PALM2AKAP2: variants seen among roughly 807,000 people sequenced by gnomAD.
PALM2AKAP2 encodes the protein PALM2-AKAP2 fusion protein.
Under a neutral mutation model 71.5 loss-of-function variants are expected in PALM2AKAP2, and 37 were observed. The ratio of observed to expected loss-of-function variants is 0.52; its 90% CI spans 0.40 to 0.68. The LOEUF is 0.68. Ranked by LOEUF, PALM2AKAP2 falls within the 30% of genes least tolerant of loss-of-function variation. The pLI, the probability that PALM2AKAP2 is intolerant of heterozygous loss-of-function variation, is 0.00. For synonymous variants in PALM2AKAP2, 468 were observed against 478.8 expected, an observed-to-expected ratio of 0.98 and a Z score of 0.29; for missense variants, 1,224 against 1,191.8, an observed-to-expected ratio of 1.03 and a Z score of -0.40.
intron 1 of PALM2AKAP2, among the ~76,000 whole-genome samples, chr9:109,791,959 C>T (rs1827121973): frequency 6.6e-6 from 1 of 152,182 alleles, no homozygotes; most frequent in South Asian, 2.1e-4. Context: ...AATGACCCTC[C>T]CCCTCTACCC....
chr9:110,143,966 G>T (rs970701869), intron 2 of PALM2AKAP2, among the ~76,000 whole-genome samples: 12 of 152,182 alleles, frequency 7.9e-5, no homozygotes, highest in Non-Finnish European at 1.5e-4. Context: ...TAGACATGAG[G>T]TGATCATTAC....
intron 1 of PALM2AKAP2, among the ~76,000 whole-genome samples, chr9:110,059,447 A>G (rs1833915386): frequency 2.6e-5 from 4 of 152,196 alleles, no homozygotes; most frequent in Admixed American, 2.6e-4. Flanking sequence ...TTTTTCATGG[A>G]CATTATCCTT....
intron 1 of PALM2AKAP2, chr9:109,640,874 TC>T: frequency 6.6e-7 from 1 of 1,514,844 alleles, no homozygotes; most frequent in South Asian, 1.2e-5. Flanking sequence ...GGAGTGAGTA[TC>T]CCCGAGCCGC....
intron 1 of PALM2AKAP2, among the ~76,000 whole-genome samples, chr9:110,106,004 C>G (rs1415886311): frequency 6.6e-6 from 1 of 152,110 alleles, no homozygotes; most frequent in Non-Finnish European, 1.5e-5. Context: ...TTTTCATATT[C>G]TTTCTGTTAG....
intron 3 of PALM2AKAP2, among the ~76,000 whole-genome samples, chr9:109,887,408 T>C (rs934365399): frequency 1.3e-5 from 2 of 152,240 alleles, no homozygotes; most frequent in African/African-American, 4.8e-5. Context: ...CCACCCCACG[T>C]TCAGCCACAT....
intron 1 of PALM2AKAP2, among the ~76,000 whole-genome samples, chr9:109,794,397 C>T (rs1322688365): frequency 9.8e-6 from 1 of 102,292 alleles, no homozygotes; most frequent in Non-Finnish European, 1.9e-5. Context: ...GCAGATTTTC[C>T]AGGTGTATTT....
chr9:109,930,372 C>T (rs771250865), intron 5 of PALM2AKAP2, among the ~76,000 whole-genome samples: 12 of 152,134 alleles, frequency 7.9e-5, no homozygotes, highest in Admixed American at 3.3e-4. Context: ...ACTACAGGTG[C>T]ATGCCACCAT....
intron 1 of PALM2AKAP2, among the ~76,000 whole-genome samples, chr9:110,120,906 A>ATT (rs574314122): frequency 1.3e-5 from 2 of 149,088 alleles, no homozygotes; most frequent in Admixed American, 6.7e-5. Flanking sequence ...GTTGACAACT[A>ATT]TTTTTTTTTT....
At position 110,156,183 on chromosome 9, in the gene PALM2AKAP2, A is replaced by G. The variant is rs1229749049; in HGVS notation, c.2570-136A>G. On this transcript the variant is annotated intron_variant, in intron 2 of 3. Transcript: ENST00000374525. The stretch of plus-strand genomic sequence containing the variant: ...GCTTTGATCCCTGTAATATAATAAA[A>G]TGGCCTACACTTAACCATCATTCTG... 5 of 1,246,668 alleles carry G rather than the reference A, an allele frequency of 4.0e-6. No homozygotes were observed. The East Asian group carries it at 1.3e-4, about 32-fold the overall frequency. The allele number at this position is 1,246,668 out of a possible 1,614,324, so 77.2% of individuals were successfully genotyped here. A position where few individuals can be genotyped will look rare whatever the true frequency, so the allele number is the denominator to read the frequency against.
At chr9:109,682,611 G>T (rs531542707) in intron 1 of PALM2AKAP2, among the ~76,000 whole-genome samples, 2 of 152,290 alleles carry the variant, frequency 1.3e-5, no homozygotes, top group East Asian at 3.9e-4. Flanking sequence ...CCACACATTT[G>T]TTCCACACTG....
intron 1 of PALM2AKAP2, among the ~76,000 whole-genome samples, chr9:109,836,984 A>T (rs138210343): frequency 6.6e-6 from 1 of 152,240 alleles, no homozygotes. Context: ...AACTTCCCCA[A>T]CATAGCAATG....
intron 1 of PALM2AKAP2, among the ~76,000 whole-genome samples, chr9:110,068,087 CTTTTTTTTT>C (rs5899875): frequency 4.9e-5 from 6 of 122,938 alleles, no homozygotes; most frequent in Non-Finnish European, 8.0e-5. Context: ...GTTCCAAACT[CTTTTTTTTT>C]TTTTTTTTGG....
chr9:109,711,016 A>G (rs1365582678), intron 1 of PALM2AKAP2, among the ~76,000 whole-genome samples: 1 of 152,220 alleles, frequency 6.6e-6, no homozygotes, highest in East Asian at 1.9e-4. Flanking sequence ...CTGGTTGAAG[A>G]CAGTTTCCAT....
intron 1 of PALM2AKAP2, among the ~76,000 whole-genome samples, chr9:109,844,956 T>TGTGTGTGTGTGTGTGTGTGTGC (rs1587954381): frequency 1.3e-5 from 2 of 148,956 alleles, no homozygotes; most frequent in Non-Finnish European, 3.0e-5. Flanking sequence ...TGTGTGTGTG[T>TGTGTGTGTGTGTGTGTGTGTGC]GTGCATGTGC....
At chr9:110,016,431 C>T (rs1269694547) in intron 7 of PALM2AKAP2, among the ~76,000 whole-genome samples, 1 of 152,124 alleles carries the variant, frequency 6.6e-6, no homozygotes, top group Admixed American at 6.5e-5. Flanking sequence ...AATTCAGGCC[C>T]CACTGTGCAT....
chr9:110,010,413 C>T (rs1832859221), intron 6 of PALM2AKAP2, among the ~76,000 whole-genome samples: 1 of 148,122 alleles, frequency 6.8e-6, no homozygotes, highest in Non-Finnish European at 1.5e-5. Context: ...ATATCTATTT[C>T]TATATATAGA....
intron 1 of PALM2AKAP2, among the ~76,000 whole-genome samples, chr9:110,100,064 T>TATATATATAA (rs889406510): frequency 3.5e-5 from 5 of 142,650 alleles, no homozygotes; most frequent in African/African-American, 1.3e-4. Flanking sequence ...TATATATATA[T>TATATATATAA]ATATATATAT....
intron 7 of PALM2AKAP2, among the ~76,000 whole-genome samples, chr9:110,023,149 G>A (rs1457670180): frequency 6.6e-6 from 1 of 151,182 alleles, no homozygotes; most frequent in South Asian, 2.1e-4. Flanking sequence ...CTGAGGAATC[G>A]CCACACTGAC....
At chr9:109,870,482 A>G (rs990284548) in intron 2 of PALM2AKAP2, among the ~76,000 whole-genome samples, 3 of 152,206 alleles carry the variant, frequency 2.0e-5, no homozygotes, top group African/African-American at 4.8e-5. Flanking sequence ...CGTCAGTAAC[A>G]GTCACCATTT....
Sources: gnomAD v4.1 joint callset for allele counts (sites outside exome capture counted in the v4.1 genomes callset) on GRCh38, gnomAD v4.1.1 for gene constraint, MANE v1.5 for transcripts, NCBI Gene and HGNC (gene_info 2026-07-23, HGNC 2026-07-21) for gene names.